The following ARFGEF2 variants were observed in gnomAD, a reference collection of about 807,000 sequenced individuals.
The protein encoded by ARFGEF2 is brefeldin A-inhibited guanine nucleotide-exchange protein 2.
A neutral mutation model predicts 219.9 loss-of-function variants in ARFGEF2; 74 were observed. The ratio of observed to expected loss-of-function variants is 0.34; its 90% CI spans 0.28 to 0.41. ARFGEF2 has a LOEUF of 0.41. Ranked by LOEUF, ARFGEF2 falls within the 10% of genes least tolerant of loss-of-function variation. The pLI, the probability that ARFGEF2 is intolerant of heterozygous loss-of-function variation, is 1.00. For synonymous variants in ARFGEF2, 733 were observed against 799.2 expected (o/e 0.92, Z 1.40); for missense variants, 1,743 against 2,218.3 (o/e 0.79, Z 4.30).
At position 48,993,924 on chromosome 20, in the gene ARFGEF2, GAAAC is replaced by G. The variant is rs575123929; in HGVS notation, c.2974-519_2974-516del. On this transcript the variant is annotated intron_variant, in intron 21 of 38. Coordinates refer to ENST00000371917, the MANE Select transcript of ARFGEF2 (RefSeq NM_006420.3). ...AATGCCCTCTTGGCACCTAAGGCAGGAAACAAACAAATAGATATATGGTATAATG... is the reference window on the plus strand; with the variant it reads ...AATGCCCTCTTGGCACCTAAGGCAGGAAACAAATAGATATATGGTATAATG... Among the ~76,000 whole-genome samples, 22 of 152,236 alleles carry G rather than the reference GAAAC, an allele frequency of 1.4e-4. No individual in the cohort carries two copies. The South Asian group carries it at 3.5e-3, about 24-fold the overall frequency.
intron 1 of ARFGEF2, among the ~76,000 whole-genome samples, chr20:48,932,125 C>T (rs886862658): frequency 2.6e-5 from 4 of 152,048 alleles, no homozygotes; most frequent in African/African-American, 4.8e-5. Context: ...CCTGAGAAGG[C>T]GGATAGGGAT....
Position 48,988,669 on chromosome 20 carries a change from T to C in ARFGEF2, c.2533+7T>C. Reference sequence around the variant, plus strand: ...ACCAAATCTACTAAGCAGAGTAAGGTCTAATGGCAAATTATTTCTTTTAGT... The same window carrying C: ...ACCAAATCTACTAAGCAGAGTAAGGCCTAATGGCAAATTATTTCTTTTAGT... On this transcript the variant is annotated splice_region_variant and intron_variant, in intron 18 of 38. Transcript: ENST00000371917. The C allele has an allele frequency of 6.2e-7, 1 of 1,611,160 alleles. No homozygotes were observed. Among genetic ancestry groups the C allele is most frequent in the Middle Eastern group, 1.7e-4 (1 of 5,774 alleles).
chr20:49,004,963 C>T (rs931280273), intron 25 of ARFGEF2, 107 bp from the exon 26 acceptor site: 7 of 1,252,488 alleles, frequency 5.6e-6, no homozygotes, highest in Admixed American at 1.7e-5. Flanking sequence ...GTGTGTTTTC[C>T]CTGAATGTTT....
intron 35 of ARFGEF2, 68 bp from the exon 36 acceptor site, chr20:49,025,245 T>C (rs2091594466): frequency 5.3e-6 from 8 of 1,523,176 alleles, no homozygotes; most frequent in Non-Finnish European, 7.2e-6. Flanking sequence ...TGCCGTTGTC[T>C]GCAATCACAA....
intron 34 of ARFGEF2, among the ~76,000 whole-genome samples, chr20:49,019,517 T>C (rs982305937): frequency 3.9e-5 from 6 of 152,368 alleles, no homozygotes; most frequent in Admixed American, 1.3e-4. Flanking sequence ...TTATAATCTT[T>C]TGCTGTTAGG....
chr20:48,945,492 A>G (rs987618106), intron 3 of ARFGEF2, among the ~76,000 whole-genome samples: 1 of 152,198 alleles, frequency 6.6e-6, no homozygotes, highest in Non-Finnish European at 1.5e-5. Flanking sequence ...GTATGATTTC[A>G]AACGGAAACA....
At chr20:48,926,560 G>T (rs1287029081) in intron 1 of ARFGEF2, among the ~76,000 whole-genome samples, 1 of 152,028 alleles carries the variant, frequency 6.6e-6, no homozygotes, top group Non-Finnish European at 1.5e-5. Flanking sequence ...CCTGGCTCAG[G>T]TGATCCTCCC....
intron 22 of ARFGEF2, among the ~76,000 whole-genome samples, chr20:48,994,805 A>G (rs1044031986): frequency 6.6e-6 from 1 of 152,208 alleles, no homozygotes; most frequent in Admixed American, 6.5e-5. Flanking sequence ...CAAAGTCAGT[A>G]GGGTGCATTA....
intron 23 of ARFGEF2, among the ~76,000 whole-genome samples, chr20:48,997,151 T>G (rs2065996877): frequency 2.6e-5 from 4 of 152,242 alleles, no homozygotes. Context: ...TAATGTCGTG[T>G]CTTTTGTGTT....
At chr20:48,984,393 A>G (rs888791722) in intron 14 of ARFGEF2, among the ~76,000 whole-genome samples, 4 of 152,226 alleles carry the variant, frequency 2.6e-5, no homozygotes, top group East Asian at 1.9e-4. Flanking sequence ...CTCACTGGCT[A>G]GAAGTTTATC....
intron 12 of ARFGEF2, among the ~76,000 whole-genome samples, chr20:48,974,278 A>G (rs2091247083): frequency 6.6e-6 from 1 of 151,580 alleles, no homozygotes; most frequent in South Asian, 2.1e-4. Context: ...GGTGCCTGCC[A>G]CCACACCCGG....
intron 6 of ARFGEF2, among the ~76,000 whole-genome samples, chr20:48,958,130 G>C (rs2091116383): frequency 6.6e-6 from 1 of 152,162 alleles, no homozygotes; most frequent in African/African-American, 2.4e-5. Flanking sequence ...AAATGAGCAG[G>C]CTTCTATCAT....
At chr20:48,998,551 AGT>A in intron 25 of ARFGEF2, 46 bp downstream of exon 25, 4 of 1,372,464 alleles carry the variant, frequency 2.9e-6, no homozygotes, top group Non-Finnish European at 4.1e-6. Flanking sequence ...AAAAAAAAAA[AGT>A]AGACAACTGA....
intron 5 of ARFGEF2, 51 bp downstream of exon 5, chr20:48,952,935 C>G: frequency 1.3e-6 from 2 of 1,587,744 alleles, no homozygotes; most frequent in Non-Finnish European, 1.7e-6. Flanking sequence ...GCTCTCTGAA[C>G]TCTATCATGT....
chr20:48,941,370 C>T, intron 2 of ARFGEF2, 141 bp downstream of exon 2: 2 of 841,908 alleles, frequency 2.4e-6, no homozygotes, highest in South Asian at 2.9e-5. Context: ...GTGCTAGGCA[C>T]ACGGCACAAC....
At chr20:48,953,830 G>T (rs1417176074) in intron 6 of ARFGEF2, 40 bp downstream of exon 6, 1 of 1,582,566 alleles carries the variant, frequency 6.3e-7, no homozygotes, top group Non-Finnish European at 8.7e-7. Context: ...CCAAGTGTGA[G>T]AGGGAATCAG....
At chr20:48,965,683 A>C (rs2091182936) in intron 7 of ARFGEF2, among the ~76,000 whole-genome samples, 189 bp from the exon 8 acceptor site, 1 of 152,088 alleles carries the variant, frequency 6.6e-6, no homozygotes, top group Non-Finnish European at 1.5e-5. Flanking sequence ...GATAACAAAC[A>C]CTCGTAAGGC....
At chr20:48,989,010 A>G (rs2091342229) in intron 18 of ARFGEF2, among the ~76,000 whole-genome samples, 2 of 152,170 alleles carry the variant, frequency 1.3e-5, no homozygotes, top group African/African-American at 4.8e-5. Context: ...AGAAGCAGCA[A>G]AGGGTAGTGG....
chr20:49,035,993 G>GAAAA lies in ARFGEF2; in HGVS notation c.*2803_*2806dup. On this transcript the variant is annotated 3_prime_UTR_variant, in exon 39 of 39. Coordinates refer to ENST00000371917, the MANE Select transcript of ARFGEF2 (RefSeq NM_006420.3). The stretch of plus-strand genomic sequence containing the variant: ...CTGGCAGGTGACTTTTGTACGAAAT[G>GAAAA]AAAAAAAAAAAACCTGTATTTTTTT... 2.9e-6 allele frequency: 1 copy of GAAAA among 345,106 alleles called. No individual in the cohort carries two copies. The highest frequency in any genetic ancestry group is 5.1e-6 in the Non-Finnish European group (1 of 195,546). 21.4% of individuals were successfully genotyped at this position (345,106 alleles called of 1,614,324 possible). A position where few individuals can be genotyped will look rare whatever the true frequency, so the allele number is the denominator to read the frequency against.
Sources: gnomAD v4.1 joint callset for allele counts (sites outside exome capture counted in the v4.1 genomes callset) on GRCh38, gnomAD v4.1.1 for gene constraint, MANE v1.5 for transcripts, NCBI Gene and HGNC (gene_info 2026-07-23, HGNC 2026-07-21) for gene names.